CACNA1I: variants seen among roughly 807,000 people sequenced by gnomAD.
CACNA1I encodes the protein voltage-dependent T-type calcium channel subunit alpha-1I.
A neutral mutation model predicts 201.6 loss-of-function variants in CACNA1I; 74 were observed. The ratio of observed to expected loss-of-function variants is 0.37; its 90% confidence interval spans 0.30 to 0.45. The LOEUF is 0.45. Ranked by LOEUF, CACNA1I falls within the 20% of genes least tolerant of loss-of-function variation. The pLI, the probability that CACNA1I is intolerant of heterozygous loss-of-function variation, is 1.00. For missense variants in CACNA1I, 2,346 were observed against 3,138.1 expected, an observed-to-expected ratio of 0.75 and a Z score of 6.03; for synonymous variants, 1,431 against 1,345.2, an observed-to-expected ratio of 1.06 and a Z score of -1.40.
chr22:39,673,819 G>C, intron 28 of CACNA1I, 144 bp from the exon 29 acceptor site: 1 of 696,422 alleles, frequency 1.4e-6, no homozygotes, highest in Admixed American at 2.4e-5. Context: ...CCACATTCTT[G>C]TAATGTGGTA....
At position 39,665,480 on chromosome 22, in the gene CACNA1I, G is replaced by A; in HGVS notation, c.3852-18G>A. The A allele has an allele frequency of 1.2e-6, 2 of 1,613,068 alleles. No individual in the cohort carries two copies. The highest frequency in any genetic ancestry group is 1.7e-6 in the Non-Finnish European group (2 of 1,179,612). ...CTGGCCAAGGGATTATGTGTGCCTG[G>A]CCTCTCCCTGCCGTCAGTGTCATCA... On this transcript the variant is annotated intron_variant, in intron 21 of 36. Coordinates refer to ENST00000402142, the MANE Select transcript of CACNA1I (RefSeq NM_021096.4). The surrounding 1 kb of genome is among the most constrained non-coding windows in gnomAD (Gnocchi z 5.5).
chr22:39,612,108 G>A (rs938271385), intron 3 of CACNA1I, among the ~76,000 whole-genome samples: 5 of 152,144 alleles, frequency 3.3e-5, no homozygotes, highest in Admixed American at 1.3e-4. Context: ...CTCAGCCCTC[G>A]TGGATGGATT....
At chr22:39,656,347 G>C in intron 10 of CACNA1I, 1 of 511,448 alleles carries the variant, frequency 2.0e-6, no homozygotes, top group South Asian at 1.4e-5. Flanking sequence ...CAGCCAGCTG[G>C]GTCCTCCACC....
At chr22:39,669,909 C>A (rs866535219) in intron 24 of CACNA1I, 129 bp from the exon 25 acceptor site, 1 of 1,027,728 alleles carries the variant, frequency 9.7e-7, no homozygotes, top group Non-Finnish European at 1.5e-6. Context: ...TCATTTAGAC[C>A]TCACAGCCAC....
chr22:39,634,757 G>C (rs370018764), intron 5 of CACNA1I, 33 bp downstream of exon 5: 2 of 1,598,712 alleles, frequency 1.3e-6, no homozygotes, highest in East Asian at 2.2e-5. Context: ...ATGCAGCTCC[G>C]GGGACTCTTA....
At chr22:39,619,699 A>T (rs372213934) in intron 4 of CACNA1I, among the ~76,000 whole-genome samples, 11 of 152,258 alleles carry the variant, frequency 7.2e-5, no homozygotes, top group East Asian at 3.9e-4. Context: ...CGAAGAGTTT[A>T]TGGGAGAGTG....
chr22:39,601,198 A>G (rs1161549411), intron 3 of CACNA1I, among the ~76,000 whole-genome samples: 1 of 152,130 alleles, frequency 6.6e-6, no homozygotes, highest in African/African-American at 2.4e-5. Context: ...CCATCCATGC[A>G]TTCATCCATC....
chr22:39,608,962 T>G (rs1442823825), intron 3 of CACNA1I, among the ~76,000 whole-genome samples: 3 of 152,198 alleles, frequency 2.0e-5, no homozygotes, highest in Non-Finnish European at 4.4e-5. Flanking sequence ...AGCTCTGGGC[T>G]AGGGCTTTCT....
intron 20 of CACNA1I, 109 bp from the exon 21 acceptor site, chr22:39,664,630 C>CCCCACCCCCA: frequency 4.4e-6 from 2 of 459,068 alleles, no homozygotes; most frequent in Non-Finnish European, 8.2e-6. Flanking sequence ...CGCCCCCTCC[C>CCCCACCCCCA]CGAAGCCGAT....
At position 39,649,436 on chromosome 22, in the gene CACNA1I, G is replaced by A. The variant is rs748440913; in HGVS notation, c.1568-65G>A. On this transcript the variant is annotated intron_variant, in intron 9 of 36. Transcript: ENST00000402142. This position sits in a 1 kb window ranked among gnomAD's most constrained non-coding sequence, Gnocchi z 7.3. ...CTGGGAGCCAAGCGCACTCAGGGAT[G>A]TGTCCCAGGGTGGATTGGGCCTGGT... 1.8e-5 allele frequency: 26 copies of A among 1,422,844 alleles called. No individual in the cohort carries two copies. The highest frequency in any genetic ancestry group is 2.3e-5 in the Non-Finnish European group (25 of 1,071,066). The allele number at this position is 1,422,844 out of a possible 1,614,324, so 88.1% of individuals were successfully genotyped here. A position where few individuals can be genotyped will look rare whatever the true frequency, so the allele number is the denominator to read the frequency against.
intron 4 of CACNA1I, among the ~76,000 whole-genome samples, chr22:39,625,564 C>CGGGGGACA (rs1280810833): frequency 6.6e-6 from 1 of 152,102 alleles, no homozygotes; most frequent in Non-Finnish European, 1.5e-5. Context: ...CCAGGATGAG[C>CGGGGGACA]GGGGGACATG....
chr22:39,662,315 G>T lies in CACNA1I; in HGVS notation c.3252G>T (p.Ala1084=). 1 of 1,480,538 alleles carries T rather than the reference G, an allele frequency of 6.8e-7. No individual in the cohort carries two copies. The highest frequency in any genetic ancestry group is 2.5e-5 in the Admixed American group (1 of 40,116). The allele number at this position is 1,480,538 out of a possible 1,614,324, so 91.7% of individuals were successfully genotyped here. ...VGAHPRAAWR[A]AGPAPGHEDC... ...CCCACCCCCGGGCCGCCTGGAGGGC[G>T]GCAGGCCCGGCCCCCGGGCATGAGG... The change falls in exon 17 of 37, where the codon GCG becomes GCT. Residue 1084 remains alanine, a synonymous_variant. Transcript: ENST00000402142.
chr22:39,662,925 G>T, intron 18 of CACNA1I, 49 bp downstream of exon 18: 2 of 1,225,858 alleles, frequency 1.6e-6, no homozygotes, highest in Non-Finnish European at 1.2e-6. Context: ...GGTAACGTGG[G>T]AGGGACGGAT....
At chr22:39,613,983 G>A (rs531010785) in intron 3 of CACNA1I, among the ~76,000 whole-genome samples, 5 of 152,222 alleles carry the variant, frequency 3.3e-5, no homozygotes, top group East Asian at 1.9e-4. Context: ...GATTACAGGC[G>A]TGCGCCACCA....
rs908155776 is a variant in CACNA1I at position 39,673,226 on chromosome 22, G to A, written c.4783+144G>A. 3.4e-6 allele frequency: 3 copies of A among 886,700 alleles called. No homozygotes were observed. In the African/African-American group the frequency reaches 5.0e-5, roughly 15 times the overall value. The allele number at this position is 886,700 out of a possible 1,614,324, so 54.9% of individuals were successfully genotyped here. A position where few individuals can be genotyped will look rare whatever the true frequency, so the allele number is the denominator to read the frequency against. ...GCATGGTGGGCTCCTTGCTGAACAG[G>A]GGTGAGAAGGAGCTGGGAGGCACAC... On this transcript the variant is annotated intron_variant, in intron 28 of 36. Transcript: ENST00000402142.
chr22:39,664,138 C>T lies in CACNA1I; in HGVS notation c.3645C>T (p.Phe1215=), dbSNP rs377499187. The T allele has an allele frequency of 1.1e-5, 17 of 1,613,476 alleles. No homozygotes were observed. The highest frequency in any genetic ancestry group is 5.3e-5 in the African/African-American group (4 of 74,940). Residue 1215 remains phenylalanine (F), a synonymous_variant, in exon 20 of 37, where the codon TTC becomes TTT. Coordinates refer to ENST00000402142, the MANE Select transcript of CACNA1I (RefSeq NM_021096.4). ...TVSNYIFTAI[F]VGEMTLKVVS... is the part of the protein sequence containing the mutation. ...CCAACTACATCTTCACGGCCATCTT[C>T]GTGGGCGAGATGACATTGAAGGTAG...
Position 39,682,666 on chromosome 22 carries a change from G to A in CACNA1I, c.5830+5G>A, listed in dbSNP as rs1468251993. ...TGAAACATGACAGCAGTCAAGGTGA[G>A]GGGTGGGAGCCCTGCCAGCTCCCCA... On this transcript the variant is annotated splice_donor_5th_base_variant and intron_variant, in intron 35 of 36. Coordinates refer to ENST00000402142, the MANE Select transcript of CACNA1I (RefSeq NM_021096.4). 3.7e-6 allele frequency: 6 copies of A among 1,610,148 alleles called. No homozygotes were observed. Among genetic ancestry groups the A allele is most frequent in the Non-Finnish European group, 4.2e-6 (5 of 1,177,800 alleles).
chr22:39,658,054 C>G, intron 10 of CACNA1I, 98 bp from the exon 11 acceptor site: 1 of 1,316,316 alleles, frequency 7.6e-7, no homozygotes, highest in Non-Finnish European at 1.1e-6. Context: ...AGGACACCGA[C>G]CTGCCAGGGT....
chr22:39,629,487 CCCAGCCCCA>C lies in CACNA1I; in HGVS notation c.581-5074_581-5066del, dbSNP rs1850499577. 6.6e-6 allele frequency among the ~76,000 whole-genome samples: 1 copy of C among 152,024 alleles called. No homozygotes were observed. The highest frequency in any genetic ancestry group is 2.4e-5 in the African/African-American group (1 of 41,374). ...CACTCCACTGCCATCATTATCTGGG[CCCAGCCCCA>C]CCATCTTCCGGTTTATCACAATGAT... is the stretch of plus-strand genomic sequence containing the variant. On this transcript the variant is annotated intron_variant, in intron 4 of 36. Transcript: ENST00000402142. The surrounding 1 kb of genome is among the most constrained non-coding windows in gnomAD (Gnocchi z 4.8).
Sources: allele counts gnomAD v4.1 joint callset (sites outside exome capture counted in the v4.1 genomes callset), GRCh38; gene constraint gnomAD v4.1.1; non-coding constraint Gnocchi (gnomAD v3.1); transcripts MANE v1.5; gene names NCBI Gene and HGNC (gene_info 2026-07-23, HGNC 2026-07-21).